EPB41L5: variants seen among roughly 807,000 people sequenced by gnomAD.
EPB41L5 encodes band 4.1-like protein 5.
EPB41L5 carries 55 observed loss-of-function variants against 106.6 expected under a neutral mutation model. The ratio of observed to expected loss-of-function variants is 0.52; its 90% CI spans 0.42 to 0.65. The LOEUF (loss-of-function observed/expected upper bound fraction) is 0.65, where lower values mean the gene tolerates loss of function less well. Among genes scored for constraint, EPB41L5 ranks in the 30% least tolerant of loss-of-function variants. EPB41L5 has a pLI of 0.00. For synonymous variants in EPB41L5, 297 were observed against 306.7 expected (o/e 0.97, Z 0.33); for missense variants, 871 against 882.1 (o/e 0.99, Z 0.16).
intron 11 of EPB41L5, among the ~76,000 whole-genome samples, chr2:120,088,013 T>C (rs1255012290): frequency 1.3e-5 from 2 of 152,180 alleles, no homozygotes; most frequent in Non-Finnish European, 2.9e-5. Context: ...GAATTTTACT[T>C]TATGCAAATT....
At position 120,160,794 on chromosome 2, in the gene EPB41L5, G is replaced by C; in HGVS notation, c.1794-87G>C. On this transcript the variant is annotated intron_variant, in intron 20 of 24. Transcript: ENST00000263713. ...ATACCTTCCCCTACATGAATTTGTT[G>C]CACTTCTTTCCTAAGCCCTTTCTTT... 10 of 872,400 alleles carry C rather than the reference G, an allele frequency of 1.1e-5. No individual in the cohort carries two copies. The East Asian group carries it at 2.5e-4, about 22-fold the overall frequency. The allele number at this position is 872,400 out of a possible 1,614,324, so 54.0% of individuals were successfully genotyped here.
chr2:120,121,148 A>G lies in EPB41L5; in HGVS notation c.1338-6540A>G, dbSNP rs56207003. ...TCTGTCCAATTGAGATGGTAAAGCC[A>G]TTGAAGGGACTCTACTATGGTCTGA... is the stretch of plus-strand genomic sequence containing the variant. On this transcript the variant is annotated intron_variant, in intron 16 of 24. Transcript: ENST00000263713. 5.0e-3 allele frequency among the ~76,000 whole-genome samples: 767 copies of G among 152,320 alleles called. 4 individuals carry two copies. The highest frequency in any genetic ancestry group is 0.018 in the African/African-American group (738 of 41,568).
intron 2 of EPB41L5, among the ~76,000 whole-genome samples, chr2:120,026,560 G>T (rs1678331726): frequency 6.6e-6 from 1 of 152,084 alleles, no homozygotes; most frequent in Non-Finnish European, 1.5e-5. Flanking sequence ...GTAGAGACGG[G>T]ATTTCACCAT....
chr2:120,161,173 T>C (rs1687127624), intron 21 of EPB41L5, among the ~76,000 whole-genome samples, 199 bp downstream of exon 21: 1 of 150,868 alleles, frequency 6.6e-6, no homozygotes, highest in African/African-American at 2.5e-5. Context: ...AGCTCAGGAG[T>C]TCAAGACCAG....
Position 120,174,952 on chromosome 2 carries a change from G to A in EPB41L5, c.*45G>A. On this transcript the variant is annotated 3_prime_UTR_variant, in exon 25 of 25. Transcript: ENST00000263713. The stretch of plus-strand genomic sequence containing the variant: ...GCATCTCTCCAGCATTCCGTCCTGG[G>A]ATCCGTTTCAGCTAGAATATGTTGG... 6.4e-7 allele frequency: 1 copy of A among 1,559,428 alleles called. No individual in the cohort carries two copies. Among genetic ancestry groups the A allele is most frequent in the South Asian group, 1.1e-5 (1 of 89,934 alleles).
intron 20 of EPB41L5, among the ~76,000 whole-genome samples, chr2:120,155,985 C>G (rs138836198): frequency 7.2e-5 from 11 of 152,220 alleles, no homozygotes; most frequent in African/African-American, 2.6e-4. Flanking sequence ...CACGGACACT[C>G]GAGTTGCAGG....
chr2:120,175,006 TA>T lies in EPB41L5; in HGVS notation c.*106del. On this transcript the variant is annotated 3_prime_UTR_variant, in exon 25 of 25. Coordinates refer to ENST00000263713, the MANE Select transcript of EPB41L5 (RefSeq NM_020909.4). ...CAGGAGCTTGTCCATTATTTGTAGG[TA>T]AAAAAAGCTGCACGTAGATTTGACT... The T allele has an allele frequency of 3.4e-6, 4 of 1,172,558 alleles. No individual in the cohort carries two copies. The highest frequency in any genetic ancestry group is 2.4e-5 in the East Asian group (1 of 42,468). 72.6% of individuals were successfully genotyped at this position (1,172,558 alleles called of 1,614,324 possible).
chr2:120,051,039 C>G (rs1680227193), intron 3 of EPB41L5, among the ~76,000 whole-genome samples: 1 of 152,140 alleles, frequency 6.6e-6, no homozygotes, highest in Non-Finnish European at 1.5e-5. Flanking sequence ...AGAGGGGTAC[C>G]CAGCCTTGTG....
Position 120,175,161 on chromosome 2 carries a change from AAAG to A in EPB41L5, c.*258_*260del. The A allele has an allele frequency of 2.2e-6, 1 of 452,590 alleles. No individual in the cohort carries two copies. The highest frequency in any genetic ancestry group is 4.1e-6 in the Non-Finnish European group (1 of 246,522). 28.0% of individuals were successfully genotyped at this position (452,590 alleles called of 1,614,324 possible). Reference sequence around the variant, plus strand: ...CTTTTATAAATGTTACAAATTCCCGAAAGAAGGGAATTTCTTTTTCTGGGGTTT... The same window carrying A: ...CTTTTATAAATGTTACAAATTCCCGAAAGGGAATTTCTTTTTCTGGGGTTT... On this transcript the variant is annotated 3_prime_UTR_variant, in exon 25 of 25. Transcript: ENST00000263713.
rs184549955 is a variant in EPB41L5 at position 120,121,151 on chromosome 2, G to C, written c.1338-6537G>C. ...GTCCAATTGAGATGGTAAAGCCATT[G>C]AAGGGACTCTACTATGGTCTGAAAG... On this transcript the variant is annotated intron_variant, in intron 16 of 24. Coordinates refer to ENST00000263713, the MANE Select transcript of EPB41L5 (RefSeq NM_020909.4). Among the ~76,000 whole-genome samples, 230 of 152,302 alleles carry C rather than the reference G, an allele frequency of 1.5e-3. 1 individual carries two copies. The highest frequency in any genetic ancestry group is 2.7e-3 in the Non-Finnish European group (183 of 68,030).
At chr2:120,073,297 A>T in intron 4 of EPB41L5, 77 bp downstream of exon 4, 1 of 1,232,946 alleles carries the variant, frequency 8.1e-7, no homozygotes, top group Non-Finnish European at 1.2e-6. Context: ...AATAGGATGT[A>T]AGAAATCATG....
intron 6 of EPB41L5, 85 bp from the exon 7 acceptor site, chr2:120,075,616 A>G (rs1185547025): frequency 7.1e-7 from 1 of 1,407,272 alleles, no homozygotes; most frequent in Non-Finnish European, 1.0e-6. Context: ...AGAAATGGTC[A>G]ACATAAAACA....
intron 16 of EPB41L5, among the ~76,000 whole-genome samples, chr2:120,112,767 G>A (rs1684779425): frequency 6.6e-6 from 1 of 152,218 alleles, no homozygotes; most frequent in African/African-American, 2.4e-5. Context: ...GCTAATACTT[G>A]AGTGCTTCTG....
At chr2:120,018,486 T>C (rs1677697258) in intron 1 of EPB41L5, among the ~76,000 whole-genome samples, 1 of 152,192 alleles carries the variant, frequency 6.6e-6, no homozygotes, top group Admixed American at 6.5e-5. Flanking sequence ...CTTTTAAAAC[T>C]TTGAATTAAA....
chr2:120,063,789 A>C (rs1681250720), intron 3 of EPB41L5, among the ~76,000 whole-genome samples: 2 of 152,118 alleles, frequency 1.3e-5, no homozygotes, highest in Admixed American at 1.3e-4. Context: ...AAAAATAATA[A>C]AAATTAGCCG....
At chr2:120,087,462 C>T (rs1174712379) in intron 11 of EPB41L5, among the ~76,000 whole-genome samples, 1 of 152,132 alleles carries the variant, frequency 6.6e-6, no homozygotes, top group African/African-American at 2.4e-5. Context: ...CTTCTTGTTT[C>T]CTCATTGATC....
chr2:120,113,576 T>G (rs1166829745), intron 16 of EPB41L5, among the ~76,000 whole-genome samples: 1 of 152,250 alleles, frequency 6.6e-6, no homozygotes, highest in Admixed American at 6.5e-5. Flanking sequence ...GGGTTTAGTT[T>G]ATTCACAAAG....
In EPB41L5 at chr2:120,141,822, T is replaced by G. The variant is rs764645635; in HGVS notation, c.1600-1181T>G. On this transcript the variant is annotated intron_variant, in intron 18 of 24. Transcript: ENST00000263713. ...AGAGGAATTAATGTGACTTGCTTTT[T>G]AATGGCCTCAGGGAAGAGTTAAGGT... 1.1e-4 allele frequency among the ~76,000 whole-genome samples: 16 copies of G among 152,238 alleles called. No homozygotes were observed. In the South Asian group the frequency reaches 2.7e-3, roughly 26 times the overall value.
At chr2:120,164,974 ATTCCAGTTTT>A (rs918538108) in intron 22 of EPB41L5, 64 bp downstream of exon 22, 10 of 1,246,704 alleles carry the variant, frequency 8.0e-6, no homozygotes, top group Middle Eastern at 1.9e-4. Flanking sequence ...TTCCTGCTAG[ATTCCAGTTTT>A]TTCCTTTTTA....
Sources: allele counts gnomAD v4.1 joint callset (sites outside exome capture counted in the v4.1 genomes callset), GRCh38; gene constraint gnomAD v4.1.1; transcripts MANE v1.5; gene names NCBI Gene and HGNC (gene_info 2026-07-23, HGNC 2026-07-21).